OTOA: variants seen among roughly 807,000 people sequenced by gnomAD.
The protein encoded by OTOA is cancer/testis antigen 108.
Under a neutral mutation model 110.8 loss-of-function variants are expected in OTOA, and 70 were observed. The observed-to-expected ratio is 0.63, with a 90% CI of 0.52 to 0.77. The LOEUF (loss-of-function observed/expected upper bound fraction) is 0.77, where lower values mean the gene tolerates loss of function less well. Among genes scored for constraint, OTOA ranks in the 30% least tolerant of loss-of-function variants. The probability of loss-of-function intolerance (pLI) is 0.00; values close to 1 mark genes in which losing one functional copy is unlikely to be tolerated. For synonymous variants in OTOA, 373 were observed against 431.5 expected (o/e 0.86, Z 1.68); for missense variants, 917 against 1,075.8 (o/e 0.85, Z 2.06).
At chr16:21,705,390 CA>C in intron 12 of OTOA, 98 bp downstream of exon 12, 1 of 1,579,404 alleles carries the variant, frequency 6.3e-7, no homozygotes. Context: ...AGAAAACACA[CA>C]GCATTAGTCG....
intron 12 of OTOA, among the ~76,000 whole-genome samples, chr16:21,708,766 G>C (rs933021574): frequency 1.3e-5 from 2 of 152,134 alleles, no homozygotes; most frequent in African/African-American, 4.8e-5. Flanking sequence ...AAATGACTAC[G>C]TTATTACGTA....
At chr16:21,673,077 G>T (rs974246260) in intron 1 of OTOA, among the ~76,000 whole-genome samples, 22 of 152,172 alleles carry the variant, frequency 1.4e-4, no homozygotes, top group Admixed American at 9.2e-4. Flanking sequence ...GAACACAGGA[G>T]TTCAAGGCTG....
rs776798214 is a variant in OTOA at position 21,726,483 on chromosome 16, G to A, written c.1881-40G>A. Reference sequence around the variant, plus strand: ...CTGATTTTAGGGGCCAACAGGAGCAGCCATGTGTTCCTCCTCTTGTTCTCC... The same window carrying A: ...CTGATTTTAGGGGCCAACAGGAGCAACCATGTGTTCCTCCTCTTGTTCTCC... On this transcript the variant is annotated intron_variant, in intron 18 of 28. Transcript: ENST00000646100. The A allele has an allele frequency of 8.7e-6, 14 of 1,611,862 alleles. No homozygotes were observed. In the Admixed American group the frequency reaches 1.7e-4, roughly 19 times the overall value.
chr16:21,707,645 CT>C (rs1346984017), intron 12 of OTOA, among the ~76,000 whole-genome samples: 2 of 104,124 alleles, frequency 1.9e-5, no homozygotes, highest in Non-Finnish European at 4.3e-5. Flanking sequence ...TTCTTTCTTT[CT>C]TTCTTTCTTT....
intron 8 of OTOA, among the ~76,000 whole-genome samples, chr16:21,689,690 T>A (rs1374444598): frequency 6.9e-6 from 1 of 144,496 alleles, no homozygotes; most frequent in Non-Finnish European, 1.5e-5. Context: ...ATTTATGTAA[T>A]TTTTTTTTTT....
At chr16:21,701,923 C>T (rs1382842346) in intron 11 of OTOA, among the ~76,000 whole-genome samples, 1 of 150,500 alleles carries the variant, frequency 6.6e-6, no homozygotes, top group Non-Finnish European at 1.5e-5. Flanking sequence ...AGGCATGAGC[C>T]ACCACGCCTG....
intron 11 of OTOA, 87 bp downstream of exon 11, chr16:21,701,114 A>G: frequency 6.3e-7 from 1 of 1,584,760 alleles, no homozygotes; most frequent in South Asian, 1.1e-5. Context: ...ACACCCAGGG[A>G]GGGAAGGGAG....
chr16:21,756,168 C>A (rs1362749521), intron 27 of OTOA, among the ~76,000 whole-genome samples: 3 of 151,566 alleles, frequency 2.0e-5, no homozygotes, highest in Non-Finnish European at 2.9e-5. Flanking sequence ...GAGTCCCCTT[C>A]GTATTCCAGT....
At chr16:21,708,788 T>C (rs1037593403) in intron 12 of OTOA, among the ~76,000 whole-genome samples, 1 of 152,214 alleles carries the variant, frequency 6.6e-6, no homozygotes, top group African/African-American at 2.4e-5. Context: ...ATTCGGGTGT[T>C]AAAATATGAA....
At chr16:21,666,536 C>A (rs926652502) in intron 1 of OTOA, among the ~76,000 whole-genome samples, 15 of 152,128 alleles carry the variant, frequency 9.9e-5, no homozygotes, top group Non-Finnish European at 1.9e-4. Context: ...TCCTGGGAAA[C>A]CTTTTGGTCC....
chr16:21,753,306 G>A lies in OTOA; in HGVS notation c.3153+182G>A, dbSNP rs994191837. 1.8e-5 allele frequency among the ~76,000 whole-genome samples: 2 copies of A among 112,354 alleles called. 1 individual carries two copies. Among genetic ancestry groups the A allele is most frequent in the Non-Finnish European group, 3.9e-5 (2 of 51,864 alleles). 73.7% of individuals were successfully genotyped at this position (112,354 alleles called of 152,430 possible). A position where few individuals can be genotyped will look rare whatever the true frequency, so the allele number is the denominator to read the frequency against. ...ATTTTTCTTAAAATTACAATATGTA[G>A]TTTAATTATATTTATTTTTACGGTC... On this transcript the variant is annotated intron_variant, in intron 27 of 28. Transcript: ENST00000646100.
At chr16:21,704,351 A>G (rs1238336759) in intron 11 of OTOA, among the ~76,000 whole-genome samples, 1 of 152,250 alleles carries the variant, frequency 6.6e-6, no homozygotes, top group African/African-American at 2.4e-5. Flanking sequence ...GGCTACCGGC[A>G]CCTTTCTTTC....
intron 1 of OTOA, among the ~76,000 whole-genome samples, chr16:21,671,822 A>C (rs950543499): frequency 6.6e-6 from 1 of 152,056 alleles, no homozygotes; most frequent in African/African-American, 2.4e-5. Flanking sequence ...CTGTGTGACA[A>C]CCACCACAAT....
At chr16:21,701,060 T>C in intron 11 of OTOA, 33 bp downstream of exon 11, 1 of 1,613,886 alleles carries the variant, frequency 6.2e-7, no homozygotes, top group Non-Finnish European at 8.5e-7. Flanking sequence ...TTGGAGCCCT[T>C]TCCCAAGATG....
chr16:21,691,226 T>C (rs1897823631), intron 8 of OTOA, among the ~76,000 whole-genome samples: 1 of 152,108 alleles, frequency 6.6e-6, no homozygotes, highest in Admixed American at 6.6e-5. Flanking sequence ...TGGAGGACAT[T>C]TGGGTTGGTT....
At chr16:21,744,521 T>C (rs1217277969) in intron 23 of OTOA, among the ~76,000 whole-genome samples, 1 of 128,510 alleles carries the variant, frequency 7.8e-6, no homozygotes, top group East Asian at 2.7e-4. Context: ...TGGTAACTTA[T>C]AAACAGAAAT....
At chr16:21,721,758 G>A (rs1898749050) in intron 17 of OTOA, among the ~76,000 whole-genome samples, 1 of 151,996 alleles carries the variant, frequency 6.6e-6, no homozygotes, top group South Asian at 2.1e-4. Flanking sequence ...CAAATATGGT[G>A]GCACATGCCT....
intron 10 of OTOA, among the ~76,000 whole-genome samples, chr16:21,699,336 G>A (rs1898005196): frequency 6.6e-6 from 1 of 152,186 alleles, no homozygotes; most frequent in South Asian, 2.1e-4. Flanking sequence ...GCATAATACT[G>A]TCTCAAAATA....
At chr16:21,722,097 CAA>C (rs71379629) in intron 17 of OTOA, among the ~76,000 whole-genome samples, 357 of 127,692 alleles carry the variant, frequency 2.8e-3, no homozygotes, top group African/African-American at 6.8e-3. Flanking sequence ...ACTAAAAATA[CAA>C]AAAAAAAAAA....
Sources: allele counts gnomAD v4.1 joint callset (sites outside exome capture counted in the v4.1 genomes callset), GRCh38; gene constraint gnomAD v4.1.1; transcripts MANE v1.5; gene names NCBI Gene and HGNC (gene_info 2026-07-23, HGNC 2026-07-21).